Variants in SDK1 observed in about 807,000 individuals in gnomAD.
SDK1 encodes sidekick cell adhesion molecule 1, also known as protein sidekick-1.
In SDK1, 157 loss-of-function variants were observed where a neutral mutation model predicts 245.5. That is an observed-to-expected ratio of 0.64 (90% confidence interval 0.56 to 0.73). SDK1 has a LOEUF of 0.73. Ranked by LOEUF, SDK1 falls within the 30% of genes least tolerant of loss-of-function variation. The pLI, the probability that SDK1 is intolerant of heterozygous loss-of-function variation, is 0.00. For missense variants in SDK1, 3,583 were observed against 3,002.3 expected, an observed-to-expected ratio of 1.19 and a Z score of -4.52; for synonymous variants, 1,647 against 1,278.5, an observed-to-expected ratio of 1.29 and a Z score of -6.15.
intron 35 of SDK1, among the ~76,000 whole-genome samples, chr7:4,199,235 G>A (rs562810529): frequency 2.0e-5 from 3 of 152,274 alleles, no homozygotes; most frequent in South Asian, 4.2e-4. Flanking sequence ...GAACACCACC[G>A]CTTGTGATGC....
chr7:4,120,282 C>A (rs889069351), intron 25 of SDK1, among the ~76,000 whole-genome samples: 5 of 148,888 alleles, frequency 3.4e-5, no homozygotes, highest in African/African-American at 1.2e-4. Flanking sequence ...AAACACCAAT[C>A]CCGAGTGGAG....
intron 4 of SDK1, among the ~76,000 whole-genome samples, chr7:3,672,757 T>TATATACATATATA: frequency 4.1e-5 from 1 of 24,470 alleles, no homozygotes; most frequent in Non-Finnish European, 6.3e-5. Context: ...TAATATATAA[T>TATATACATATATA]TTTATATATA....
intron 1 of SDK1, among the ~76,000 whole-genome samples, chr7:3,502,727 A>T (rs567955582): frequency 4.7e-4 from 72 of 152,186 alleles, no homozygotes; most frequent in Non-Finnish European, 7.5e-4. Flanking sequence ...ACCGTTTGGT[A>T]TTTTGCTATG....
chr7:3,501,714 TATC>T (rs1199431296), intron 1 of SDK1, among the ~76,000 whole-genome samples: 1 of 152,214 alleles, frequency 6.6e-6, no homozygotes, highest in African/African-American at 2.4e-5. Flanking sequence ...GGTCCATAAT[TATC>T]ATAATGTTTT....
chr7:4,163,729 G>C (rs769027943), intron 32 of SDK1, among the ~76,000 whole-genome samples: 16 of 152,142 alleles, frequency 1.1e-4, no homozygotes, highest in Non-Finnish European at 1.6e-4. Flanking sequence ...GGTGCGTAGT[G>C]CTAGAGATGC....
intron 1 of SDK1, among the ~76,000 whole-genome samples, chr7:3,343,723 G>GTTTAA (rs60427151): frequency 0.49 from 73,736 of 151,488 alleles, 18,286 homozygotes; most frequent in African/African-American, 0.59. Context: ...TTAATAAAAA[G>GTTTAA]TTAAATATGA....
intron 4 of SDK1, among the ~76,000 whole-genome samples, chr7:3,666,010 C>T (rs1345224622): frequency 6.6e-6 from 1 of 152,164 alleles, no homozygotes; most frequent in Non-Finnish European, 1.5e-5. Context: ...CTCTTTCTTC[C>T]TGCCACCACC....
intron 1 of SDK1, among the ~76,000 whole-genome samples, chr7:3,604,172 T>C (rs1245272837): frequency 6.6e-6 from 1 of 152,204 alleles, no homozygotes; most frequent in Admixed American, 6.5e-5. Flanking sequence ...TGCCAGGCTT[T>C]GGTATCAGGA....
chr7:3,585,116 G>A (rs1245487563), intron 1 of SDK1, among the ~76,000 whole-genome samples: 1 of 152,022 alleles, frequency 6.6e-6, no homozygotes, highest in East Asian at 1.9e-4. Flanking sequence ...TTGTACTTCC[G>A]AAATAAAACA....
At chr7:3,673,935 A>G (rs761877208) in intron 4 of SDK1, among the ~76,000 whole-genome samples, 4 of 152,252 alleles carry the variant, frequency 2.6e-5, no homozygotes, top group Non-Finnish European at 5.9e-5. Flanking sequence ...TTTATTAAAA[A>G]TAAATAGAAA....
At position 3,997,229 on chromosome 7, in the gene SDK1, C is replaced by T. The variant is rs113139098; in HGVS notation, c.2131+9907C>T. ...CTGGTGGCGGTTTTGTCCGAGTTCT[C>T]GTCTTGTATCCAGGAAGAATAAGGT... On this transcript the variant is annotated intron_variant, in intron 14 of 44. Transcript: ENST00000404826. Among the ~76,000 whole-genome samples, 424 of 152,224 alleles carry T rather than the reference C, an allele frequency of 2.8e-3. 5 individuals carry two copies. The highest frequency in any genetic ancestry group is 9.5e-3 in the African/African-American group (394 of 41,538).
intron 17 of SDK1, among the ~76,000 whole-genome samples, chr7:4,027,850 G>A (rs1356795634): frequency 2.0e-5 from 3 of 152,116 alleles, no homozygotes; most frequent in East Asian, 3.9e-4. Context: ...AACGGTCCTG[G>A]TAGAGGAGAG....
At chr7:3,628,606 G>A (rs1480988015) in intron 2 of SDK1, among the ~76,000 whole-genome samples, 1 of 152,112 alleles carries the variant, frequency 6.6e-6, no homozygotes, top group Admixed American at 6.5e-5. Flanking sequence ...TGGCTTATGT[G>A]AAAGGGCAGC....
At chr7:3,484,506 A>C (rs1443494395) in intron 1 of SDK1, among the ~76,000 whole-genome samples, 3 of 152,214 alleles carry the variant, frequency 2.0e-5, no homozygotes, top group African/African-American at 7.2e-5. Context: ...ATATCCTTGT[A>C]TAAGTGGATC....
intron 1 of SDK1, among the ~76,000 whole-genome samples, chr7:3,420,399 T>G (rs1779504175): frequency 6.6e-6 from 1 of 152,228 alleles, no homozygotes; most frequent in African/African-American, 2.4e-5. Context: ...GGATTTTTCC[T>G]TTCTCACCAA....
At chr7:3,878,449 G>A (rs1034882254) in intron 5 of SDK1, among the ~76,000 whole-genome samples, 28 of 152,162 alleles carry the variant, frequency 1.8e-4, no homozygotes, top group African/African-American at 6.0e-4. Context: ...CCCGGGAGGC[G>A]GAGCTTGCAG....
intron 32 of SDK1, among the ~76,000 whole-genome samples, chr7:4,169,958 G>C (rs1781736580): frequency 6.6e-6 from 1 of 152,166 alleles, no homozygotes; most frequent in African/African-American, 2.4e-5. Flanking sequence ...CACTTCCTTG[G>C]GGCTCAGTAC....
At chr7:3,999,529 T>A (rs1255441479) in intron 14 of SDK1, among the ~76,000 whole-genome samples, 1 of 152,138 alleles carries the variant, frequency 6.6e-6, no homozygotes, top group Non-Finnish European at 1.5e-5. Flanking sequence ...CTGAGCAGAA[T>A]GTTCAAACGG....
At position 3,997,704 on chromosome 7, in the gene SDK1, G is replaced by T. The variant is rs547721287; in HGVS notation, c.2131+10382G>T. On this transcript the variant is annotated intron_variant, in intron 14 of 44. Coordinates refer to ENST00000404826, the MANE Select transcript of SDK1 (RefSeq NM_152744.4). ...TGCGGATTGGTCAATGGGTGACCAT[G>T]AGTGGGCCTGGAAAAGGCACCACAA... 7.9e-5 allele frequency among the ~76,000 whole-genome samples: 12 copies of T among 152,266 alleles called. 1 individual carries two copies. Among genetic ancestry groups the T allele is most frequent in the African/African-American group, 2.6e-4 (11 of 41,568 alleles).
Sources: allele counts gnomAD v4.1 joint callset (sites outside exome capture counted in the v4.1 genomes callset), GRCh38; gene constraint gnomAD v4.1.1; transcripts MANE v1.5; gene names NCBI Gene and HGNC (gene_info 2026-07-23, HGNC 2026-07-21).